The following COL19A1 variants were observed in gnomAD, a reference collection of about 807,000 sequenced individuals.
COL19A1 encodes the protein collagen type XIX alpha 1 chain.
In COL19A1, 159 loss-of-function variants were observed where a neutral mutation model predicts 190.2. The ratio of observed to expected loss-of-function variants is 0.84; its 90% CI spans 0.73 to 0.95. The LOEUF (loss-of-function observed/expected upper bound fraction) is 0.95, where lower values mean the gene tolerates loss of function less well. COL19A1 is among the 40% of genes least tolerant of loss of function. The probability of loss-of-function intolerance (pLI) is 0.00; values close to 1 mark genes in which losing one functional copy is unlikely to be tolerated. For missense variants in COL19A1, 1,418 were observed against 1,431.9 expected, an observed-to-expected ratio of 0.99 and a Z score of 0.16; for synonymous variants, 509 against 458.9, an observed-to-expected ratio of 1.11 and a Z score of -1.39.
rs1220610285 is a variant in COL19A1, at chr6:70,207,515, C to G, written c.*241C>G. ...CTTTACAATTGCTATGATTTTTACT[C>G]AGAGTTTTATATGAAATATGCAAGT... On this transcript the variant is annotated 3_prime_UTR_variant, in exon 51 of 51. Coordinates refer to ENST00000620364, the MANE Select transcript of COL19A1 (RefSeq NM_001858.6). 1 of 290,354 alleles carries G rather than the reference C, an allele frequency of 3.4e-6. No individual in the cohort carries two copies. The highest frequency in any genetic ancestry group is 2.2e-5 in the African/African-American group (1 of 46,036). The allele number at this position is 290,354 out of a possible 1,614,324, so 18.0% of individuals were successfully genotyped here.
chr6:69,961,831 A>G (rs2150046115), intron 10 of COL19A1, among the ~76,000 whole-genome samples: 1 of 152,298 alleles, frequency 6.6e-6, no homozygotes, highest in African/African-American at 2.4e-5. Flanking sequence ...ACATACTCAC[A>G]AACTAAATAT....
At chr6:70,064,058 G>A (rs901184796) in intron 14 of COL19A1, among the ~76,000 whole-genome samples, 6 of 152,132 alleles carry the variant, frequency 3.9e-5, no homozygotes, top group African/African-American at 9.7e-5. Context: ...ACAAGGAGGA[G>A]CTGGTACCAT....
In COL19A1 at chr6:70,121,895, C is replaced by T; in HGVS notation, c.1294C>T (p.Gln432Ter). The T allele has an allele frequency of 6.3e-7, 1 of 1,585,130 alleles. No individual in the cohort carries two copies. Among genetic ancestry groups the T allele is most frequent in the South Asian group, 1.2e-5 (1 of 84,398 alleles). The change falls in exon 17 of 51, where the codon CAA becomes TAA. Residue 432 changes from glutamine (Q) to a stop codon, truncating the protein, a stop_gained. Transcript: ENST00000620364. LOFTEE classifies it high-confidence loss of function. ...TATAATACAGGGACCTCCTGGAATA[C>T]AAGGAATACACCAAACTCTTGGTGG... ...PPGPPGPPGI[Q>*]GIHQTLGGYY... is the part of the protein sequence containing the mutation.
chr6:70,120,011 A>C (rs1436520754), intron 16 of COL19A1, among the ~76,000 whole-genome samples: 11 of 152,190 alleles, frequency 7.2e-5, no homozygotes, highest in Admixed American at 7.2e-4. Flanking sequence ...GAATCCCTTG[A>C]ACCTGGGAGG....
rs772739056 is a variant in COL19A1, at chr6:70,188,178, A to G, written c.2960A>G (p.Asn987Ser). Reference sequence around the variant, plus strand: ...ATCGGTCCTATGGGTCCACCAGGAAACAAGGGCTCCATGGGATCCCCTGGC... The same window carrying G: ...ATCGGTCCTATGGGTCCACCAGGAAGCAAGGGCTCCATGGGATCCCCTGGC... Reference protein sequence around the residue: ...GAIGPMGPPGNKGSMGSPGHQ... With the variant: ...GAIGPMGPPGSKGSMGSPGHQ... The change falls in exon 47 of 51, where the codon AAC becomes AGC. Residue 987 changes from asparagine to serine, a missense_variant. Coordinates refer to ENST00000620364, the MANE Select transcript of COL19A1 (RefSeq NM_001858.6). The G allele has an allele frequency of 1.2e-6, 2 of 1,613,776 alleles. No homozygotes were observed. The highest frequency in any genetic ancestry group is 1.7e-6 in the Non-Finnish European group (2 of 1,179,836).
chr6:70,016,347 C>G (rs1778081112), intron 11 of COL19A1, among the ~76,000 whole-genome samples: 1 of 93,578 alleles, frequency 1.1e-5, no homozygotes, highest in Admixed American at 1.1e-4. Flanking sequence ...GCACATGTAC[C>G]CTAAAACTTA....
intron 18 of COL19A1, chr6:70,131,028 G>T (rs892324951): frequency 4.4e-6 from 2 of 459,126 alleles, no homozygotes; most frequent in South Asian, 3.2e-5. Context: ...ATAAATTTCC[G>T]TTGCATTCCC....
intron 16 of COL19A1, among the ~76,000 whole-genome samples, chr6:70,106,743 T>C (rs1410587334): frequency 6.6e-6 from 1 of 152,198 alleles, no homozygotes; most frequent in African/African-American, 2.4e-5. Flanking sequence ...AGGAAAAAGC[T>C]CCCAAAGTGT....
intron 34 of COL19A1, 109 bp from the exon 35 acceptor site, chr6:70,161,791 C>G (rs77555811): frequency 1.5e-6 from 1 of 651,480 alleles, no homozygotes; most frequent in Admixed American, 3.2e-5. Context: ...TTATGTTTCT[C>G]GATTAGCTAA....
At chr6:70,117,502 G>C (rs1201350955) in intron 16 of COL19A1, among the ~76,000 whole-genome samples, 1 of 152,196 alleles carries the variant, frequency 6.6e-6, no homozygotes, top group African/African-American at 2.4e-5. Flanking sequence ...TTTAAAAGCT[G>C]CTAGAACTAT....
rs780168426 is a variant in COL19A1 at position 70,121,935 on chromosome 6, A to G, written c.1334A>G (p.Asp445Gly). 1.3e-6 allele frequency: 2 copies of G among 1,579,256 alleles called. No individual in the cohort carries two copies. The highest frequency in any genetic ancestry group is 2.4e-5 in the South Asian group (2 of 83,750). Residue 445 changes from aspartate to glycine, a missense_variant, in exon 17 of 51, where the codon GAT (aspartate) becomes GGT (glycine). By Grantham distance (94) the Asp-to-Gly change is moderately conservative (BLOSUM62 -1). Coordinates refer to ENST00000620364, the MANE Select transcript of COL19A1 (RefSeq NM_001858.6). ...ACTCTTGGTGGATATTATAACAAGGATAACAAGGTATGGCTTCTTTTTTCC... is the reference window on the plus strand; with the variant it reads ...ACTCTTGGTGGATATTATAACAAGGGTAACAAGGTATGGCTTCTTTTTTCC... Reference protein sequence around the residue: ...HQTLGGYYNKDNKGNDEHEAG... With the variant: ...HQTLGGYYNKGNKGNDEHEAG...
At chr6:69,945,352 T>A (rs886393355) in intron 9 of COL19A1, among the ~76,000 whole-genome samples, 2 of 151,968 alleles carry the variant, frequency 1.3e-5, no homozygotes, top group African/African-American at 4.8e-5. Context: ...TGCCCTCCAA[T>A]CCCACTATAG....
intron 31 of COL19A1, 42 bp from the exon 32 acceptor site, chr6:70,156,085 C>G: frequency 6.3e-7 from 1 of 1,576,640 alleles, no homozygotes; most frequent in Non-Finnish European, 8.7e-7. Context: ...TTATAGACGG[C>G]TTTTATGACT....
intron 4 of COL19A1, among the ~76,000 whole-genome samples, chr6:69,906,701 A>G (rs899009752): frequency 1.3e-5 from 2 of 152,212 alleles, no homozygotes; most frequent in Non-Finnish European, 2.9e-5. Context: ...AAATAAATAA[A>G]TCTCTAGTGA....
chr6:70,072,380 T>C (rs898278396), intron 15 of COL19A1, among the ~76,000 whole-genome samples: 1 of 152,122 alleles, frequency 6.6e-6, no homozygotes, highest in Non-Finnish European at 1.5e-5. Context: ...TCTAGGTCTC[T>C]GAAAAAAGAC....
chr6:70,150,313 A>T (rs932466781), intron 30 of COL19A1, among the ~76,000 whole-genome samples: 1 of 152,170 alleles, frequency 6.6e-6, no homozygotes, highest in African/African-American at 2.4e-5. Flanking sequence ...TCTCAATCCC[A>T]TTGAAAATTG....
At chr6:70,163,598 G>A (rs1165093175) in intron 36 of COL19A1, among the ~76,000 whole-genome samples, 1 of 152,172 alleles carries the variant, frequency 6.6e-6, no homozygotes, top group East Asian at 1.9e-4. Flanking sequence ...CTAGGAGAAA[G>A]GATAAATAGA....
At chr6:69,908,674 A>G (rs1383052336) in intron 4 of COL19A1, among the ~76,000 whole-genome samples, 3 of 152,128 alleles carry the variant, frequency 2.0e-5, no homozygotes, top group African/African-American at 7.2e-5. Flanking sequence ...CAGTATTGTT[A>G]TTTACTGATT....
intron 3 of COL19A1, 128 bp downstream of exon 3, chr6:69,899,150 T>G (rs1769989253): frequency 1.6e-6 from 1 of 621,724 alleles, no homozygotes; most frequent in Admixed American, 3.1e-5. Context: ...GTGAAAATTT[T>G]AAGAATTCTT....
Sources: allele counts gnomAD v4.1 joint callset (sites outside exome capture counted in the v4.1 genomes callset), GRCh38; gene constraint gnomAD v4.1.1; transcripts MANE v1.5; gene names NCBI Gene and HGNC (gene_info 2026-07-23, HGNC 2026-07-21).